TTC7B: variants seen among roughly 807,000 people sequenced by gnomAD.
The protein encoded by TTC7B is tetratricopeptide repeat domain 7B, also known as tetratricopeptide repeat protein 7B.
Under a neutral mutation model 106.8 loss-of-function variants are expected in TTC7B, and 28 were observed. The ratio of observed to expected loss-of-function variants is 0.26; its 90% CI spans 0.19 to 0.36. TTC7B has a LOEUF of 0.36. TTC7B is among the 10% of genes least tolerant of loss of function. The pLI is 1.00. For synonymous variants in TTC7B, 405 were observed against 430.6 expected (o/e 0.94, Z 0.74); for missense variants, 862 against 1,076.4 (o/e 0.80, Z 2.79).
intron 15 of TTC7B, 23 bp downstream of exon 15, chr14:90,644,025 A>C: frequency 6.2e-7 from 1 of 1,614,086 alleles, no homozygotes; most frequent in Non-Finnish European, 8.5e-7. Flanking sequence ...AGTAAGGGAA[A>C]ACCAAAGCCC....
At chr14:90,591,936 G>A (rs188148364) in intron 18 of TTC7B, among the ~76,000 whole-genome samples, 6 of 152,324 alleles carry the variant, frequency 3.9e-5, no homozygotes, top group Middle Eastern at 3.4e-3. Flanking sequence ...TGCTGCAGGC[G>A]TCTGCAGCAG....
At chr14:90,604,268 A>G (rs1298539431) in intron 17 of TTC7B, among the ~76,000 whole-genome samples, 2 of 152,244 alleles carry the variant, frequency 1.3e-5, no homozygotes, top group Non-Finnish European at 2.9e-5. Context: ...TTCTAGAAAA[A>G]TCGAAGTTGG....
chr14:90,689,614 G>A lies in TTC7B; in HGVS notation c.876C>T (p.Asp292=), dbSNP rs555915055. The A allele has an allele frequency of 1.3e-5, 21 of 1,614,068 alleles. No individual in the cohort carries two copies. The highest frequency in any genetic ancestry group is 6.7e-5 in the African/African-American group (5 of 75,024). ...TGTTTGCTCCTTTGCGGAGAGGATCGTCCAGAGGTGACTGGCACGGTGGAT... is the reference window on the plus strand; with the variant it reads ...TGTTTGCTCCTTTGCGGAGAGGATCATCCAGAGGTGACTGGCACGGTGGAT... The part of the protein sequence containing the change: ...LEDPPCQSPL[D]DPLRKGANTK... Residue 292 remains aspartate, a synonymous_variant, in exon 7 of 20, where the codon GAC becomes GAT. Transcript: ENST00000328459.
intron 15 of TTC7B, among the ~76,000 whole-genome samples, chr14:90,623,345 A>G (rs968895386): frequency 1.3e-5 from 2 of 152,176 alleles, no homozygotes; most frequent in African/African-American, 4.8e-5. Context: ...AATTAACACC[A>G]CTAGTTATTG....
At chr14:90,774,189 T>C (rs1890952687) in intron 3 of TTC7B, among the ~76,000 whole-genome samples, 1 of 151,834 alleles carries the variant, frequency 6.6e-6, no homozygotes, top group South Asian at 2.1e-4. Context: ...TGTCTGAGGA[T>C]CACACCCAGG....
At chr14:90,719,113 CA>C (rs1464320702) in intron 5 of TTC7B, among the ~76,000 whole-genome samples, 2 of 151,700 alleles carry the variant, frequency 1.3e-5, no homozygotes, top group Non-Finnish European at 2.9e-5. Context: ...AACAAACAAA[CA>C]AAAAAACAAA....
At chr14:90,773,400 C>A (rs534277210) in intron 3 of TTC7B, among the ~76,000 whole-genome samples, 131 of 152,314 alleles carry the variant, frequency 8.6e-4, no homozygotes, top group Admixed American at 7.2e-3. Flanking sequence ...CACTGACAGG[C>A]AGCTCAGTAA....
chr14:90,627,642 CTCT>C (rs1485565685), intron 15 of TTC7B, among the ~76,000 whole-genome samples: 1 of 152,186 alleles, frequency 6.6e-6, no homozygotes, highest in Non-Finnish European at 1.5e-5. Context: ...CTAATCCTCC[CTCT>C]TCTTTATGAC....
intron 5 of TTC7B, among the ~76,000 whole-genome samples, chr14:90,729,168 C>T (rs1393995792): frequency 6.6e-6 from 1 of 152,220 alleles, no homozygotes; most frequent in Non-Finnish European, 1.5e-5. Flanking sequence ...GAAAAATAGG[C>T]ATTTATTTTC....
At chr14:90,544,347 G>T (rs1168653151) in intron 19 of TTC7B, among the ~76,000 whole-genome samples, 1 of 152,252 alleles carries the variant, frequency 6.6e-6, no homozygotes, top group East Asian at 1.9e-4. Context: ...GGTGGCATCT[G>T]CCAGAGAAGG....
intron 19 of TTC7B, among the ~76,000 whole-genome samples, chr14:90,553,301 G>C (rs1890166506): frequency 6.6e-6 from 1 of 152,200 alleles, no homozygotes; most frequent in South Asian, 2.1e-4. Flanking sequence ...CTGGGGTTTA[G>C]GCCTTTCCAG....
chr14:90,623,793 G>A (rs150660498), intron 15 of TTC7B, among the ~76,000 whole-genome samples: 34 of 152,340 alleles, frequency 2.2e-4, no homozygotes, highest in African/African-American at 8.2e-4. Context: ...GGCCAAGGCA[G>A]GCAGATCACT....
rs991043973 is a variant in TTC7B at position 90,548,882 on chromosome 14, C to T, written c.2311-7293G>A. Among the ~76,000 whole-genome samples the T allele has an allele frequency of 5.3e-5, 8 of 152,278 alleles. No homozygotes were observed. The East Asian group carries it at 1.5e-3, about 29-fold the overall frequency. Reference sequence around the variant, plus strand: ...GTGGCTCATGCCTGTAATCCTAGCACTTTGGGAGGCCGAGGTGGGTGGATC... The same window carrying T: ...GTGGCTCATGCCTGTAATCCTAGCATTTTGGGAGGCCGAGGTGGGTGGATC... On this transcript the variant is annotated intron_variant, in intron 19 of 19. Coordinates refer to ENST00000328459, the MANE Select transcript of TTC7B (RefSeq NM_001010854.2).
chr14:90,626,174 T>C (rs1884431010), intron 15 of TTC7B, among the ~76,000 whole-genome samples: 1 of 152,174 alleles, frequency 6.6e-6, no homozygotes, highest in South Asian at 2.1e-4. Context: ...GAAAAAAGAC[T>C]TCCCAGGGAA....
rs369068692 is a variant in TTC7B at position 90,756,384 on chromosome 14, GTT to G, written c.446-11464_446-11463del. 7.6e-3 allele frequency among the ~76,000 whole-genome samples: 962 copies of G among 126,814 alleles called. 3 individuals are homozygous for G. The highest frequency in any genetic ancestry group is 0.011 in the Non-Finnish European group (702 of 64,420). The allele number at this position is 126,814 out of a possible 152,430, so 83.2% of individuals were successfully genotyped here. ...ATTTTATTTTCTTCTTTTTTTTTTT[GTT>G]TTTTTTTTTTGTTTTTTTGTTTTTT... On this transcript the variant is annotated intron_variant, in intron 3 of 19. Transcript: ENST00000328459.
At chr14:90,638,723 C>T (rs998997789) in intron 15 of TTC7B, among the ~76,000 whole-genome samples, 10 of 152,230 alleles carry the variant, frequency 6.6e-5, no homozygotes, top group Non-Finnish European at 1.5e-4. Flanking sequence ...TGGAACTGGA[C>T]GAGCTGATTT....
At chr14:90,751,427 C>T (rs1890131572) in intron 3 of TTC7B, among the ~76,000 whole-genome samples, 1 of 152,172 alleles carries the variant, frequency 6.6e-6, no homozygotes, top group Admixed American at 6.5e-5. Context: ...TAGGGTTTTA[C>T]TCTGTCTACC....
rs554776947 is a variant in TTC7B, at chr14:90,752,459, C to T, written c.446-7537G>A. On this transcript the variant is annotated intron_variant, in intron 3 of 19. Transcript: ENST00000328459. ...GATTCTCTGGAAGTTTGGCTGAGGA[C>T]GTGGAGAAAGCTACACATCTCATTG... Among the ~76,000 whole-genome samples, 6 of 152,300 alleles carry T rather than the reference C, an allele frequency of 3.9e-5. No individual in the cohort carries two copies. The South Asian group carries it at 6.2e-4, about 16-fold the overall frequency.
chr14:90,674,504 G>A (rs1264164629), intron 9 of TTC7B, among the ~76,000 whole-genome samples: 2 of 152,232 alleles, frequency 1.3e-5, no homozygotes, highest in East Asian at 3.9e-4. Context: ...CAGAGCTTGT[G>A]CTGGGCCCGC....
Sources: gnomAD v4.1 joint callset for allele counts (sites outside exome capture counted in the v4.1 genomes callset) on GRCh38, gnomAD v4.1.1 for gene constraint, MANE v1.5 for transcripts, NCBI Gene and HGNC (gene_info 2026-07-23, HGNC 2026-07-21) for gene names.